Variants in KIF13B observed in about 807,000 individuals in gnomAD.
KIF13B encodes kinesin family member 13B, also known as kinesin-like protein KIF13B.
In KIF13B, 127 loss-of-function variants were observed where a neutral mutation model predicts 222.0. The ratio of observed to expected loss-of-function variants is 0.57; its 90% CI spans 0.50 to 0.66. The LOEUF (loss-of-function observed/expected upper bound fraction) is 0.66, where lower values mean the gene tolerates loss of function less well. Ranked by LOEUF, KIF13B falls within the 30% of genes least tolerant of loss-of-function variation. KIF13B has a pLI of 0.00. For missense variants in KIF13B, 2,173 were observed against 2,379.0 expected, an observed-to-expected ratio of 0.91 and a Z score of 1.80; for synonymous variants, 976 against 919.0, an observed-to-expected ratio of 1.06 and a Z score of -1.12.
At chr8:29,161,220 G>A (rs894554634) in intron 12 of KIF13B, among the ~76,000 whole-genome samples, 2 of 152,116 alleles carry the variant, frequency 1.3e-5, no homozygotes, top group Non-Finnish European at 2.9e-5. Flanking sequence ...CTTCTTAAAA[G>A]CAAAGGAGGA....
intron 18 of KIF13B, among the ~76,000 whole-genome samples, chr8:29,144,868 C>T (rs1810983819): frequency 1.3e-5 from 2 of 152,186 alleles, no homozygotes; most frequent in South Asian, 2.1e-4. Flanking sequence ...GGAGAGATGC[C>T]AGGCGACATG....
intron 35 of KIF13B, among the ~76,000 whole-genome samples, chr8:29,102,516 G>A (rs573285557): frequency 6.6e-6 from 1 of 152,366 alleles, no homozygotes; most frequent in South Asian, 2.1e-4. Flanking sequence ...AGTGGACAAA[G>A]TAAGAACGCC....
intron 11 of KIF13B, among the ~76,000 whole-genome samples, chr8:29,166,609 C>G (rs1158458482): frequency 6.7e-6 from 1 of 149,714 alleles, no homozygotes; most frequent in East Asian, 2.0e-4. Flanking sequence ...GAGGCTGAGG[C>G]AGGGGAATCA....
At chr8:29,137,309 A>G (rs1810608482) in intron 21 of KIF13B, among the ~76,000 whole-genome samples, 1 of 152,242 alleles carries the variant, frequency 6.6e-6, no homozygotes, top group Admixed American at 6.5e-5. Context: ...ATAAGAAATG[A>G]ACACAGGCTG....
Position 29,198,575 on chromosome 8 carries a change from G to A in KIF13B, c.150-2376C>T, listed in dbSNP as rs553390512. ...TGATCTCAAGTGATCCGCCCGCCTCGGCCTCCCAAAGTGCTGGGATTGCAG... is the reference window on the plus strand; with the variant it reads ...TGATCTCAAGTGATCCGCCCGCCTCAGCCTCCCAAAGTGCTGGGATTGCAG... On this transcript the variant is annotated intron_variant, in intron 2 of 39. Coordinates refer to ENST00000524189, the MANE Select transcript of KIF13B (RefSeq NM_015254.4). 3.2e-3 allele frequency among the ~76,000 whole-genome samples: 485 copies of A among 152,156 alleles called. 2 individuals are homozygous for A. The highest frequency in any genetic ancestry group is 0.011 in the African/African-American group (459 of 41,500).
chr8:29,227,433 G>C (rs1021113759), intron 2 of KIF13B, among the ~76,000 whole-genome samples: 4 of 152,028 alleles, frequency 2.6e-5, no homozygotes, highest in African/African-American at 9.7e-5. Context: ...GGGATTACAG[G>C]TGCCCACCAC....
At chr8:29,109,776 C>T (rs1054069134) in intron 33 of KIF13B, 142 bp downstream of exon 33, 5 of 852,798 alleles carry the variant, frequency 5.9e-6, no homozygotes, top group Non-Finnish European at 9.0e-6. Flanking sequence ...GACCCAATTA[C>T]AATCACTCTG....
In KIF13B at chr8:29,072,186, G is replaced by A. The variant is rs941257095; in HGVS notation, c.4652C>T (p.Pro1551Leu). The change falls in exon 39 of 40, where the codon CCG (proline) becomes CTG (leucine). Residue 1551 changes from proline to leucine, a missense_variant. This residue lies in a region of KIF13B where 693 missense variants were observed against 656.2 expected (regional missense o/e 1.06). Coordinates refer to ENST00000524189, the MANE Select transcript of KIF13B (RefSeq NM_015254.4). Reference sequence around the variant, plus strand: ...GCTGGGGGGCCCGTCCTGTGCCTCCGGAGCCGGGGTGACCGCTGTGACAGC... The same window carrying A: ...GCTGGGGGGCCCGTCCTGTGCCTCCAGAGCCGGGGTGACCGCTGTGACAGC... ...VIAVTAVTPA[P>L]EAQDGPPSPL... is the part of the protein sequence containing the mutation. The A allele has an allele frequency of 2.1e-6, 3 of 1,436,974 alleles. No homozygotes were observed. The highest frequency in any genetic ancestry group is 1.6e-5 in the South Asian group (1 of 64,256). 89.0% of individuals were successfully genotyped at this position (1,436,974 alleles called of 1,614,324 possible).
intron 2 of KIF13B, among the ~76,000 whole-genome samples, chr8:29,211,427 CT>C (rs1329965194): frequency 4.3e-5 from 1 of 23,278 alleles, no homozygotes; most frequent in African/African-American, 1.2e-4. Context: ...GGTTTTCTGC[CT>C]ATAGATACTT....
chr8:29,145,127 C>T (rs549187301), intron 18 of KIF13B, among the ~76,000 whole-genome samples: 1 of 152,222 alleles, frequency 6.6e-6, no homozygotes, highest in South Asian at 2.1e-4. Context: ...GTGAGTCCTA[C>T]TGTACCCAGA....
At chr8:29,095,986 G>GTT (rs889271371) in intron 36 of KIF13B, among the ~76,000 whole-genome samples, 2 of 139,328 alleles carry the variant, frequency 1.4e-5, no homozygotes, top group Non-Finnish European at 1.6e-5. Flanking sequence ...TTTGTTTTTT[G>GTT]TTTTTTTTTT....
chr8:29,223,331 C>CAAA (rs369280304), intron 2 of KIF13B, among the ~76,000 whole-genome samples: 1,845 of 103,026 alleles, frequency 0.018, 152 homozygotes, highest in Middle Eastern at 0.032. Context: ...GACCCTGTCT[C>CAAA]AAAAAAAAAA....
intron 32 of KIF13B, 63 bp from the exon 33 acceptor site, chr8:29,110,133 G>A (rs1315431304): frequency 3.2e-5 from 43 of 1,332,158 alleles, no homozygotes; most frequent in Non-Finnish European, 3.7e-5. Flanking sequence ...ACGTACACGC[G>A]TGCACACACA....
chr8:29,213,564 G>A (rs1480213239), intron 2 of KIF13B, among the ~76,000 whole-genome samples: 1 of 152,202 alleles, frequency 6.6e-6, no homozygotes, highest in Non-Finnish European at 1.5e-5. Context: ...CACACAGGCT[G>A]TATGGTATAG....
In KIF13B at chr8:29,134,018, C is replaced by G. The variant is rs1379805035; in HGVS notation, c.2784+22G>C. 1.9e-6 allele frequency: 3 copies of G among 1,603,874 alleles called. No homozygotes were observed. In the African/African-American group the frequency reaches 4.0e-5, roughly 22 times the overall value. ...TCACATGAGTAATCTAAATGCTGAC[C>G]TACTCTGGAAAACAAACTCACATTG... On this transcript the variant is annotated intron_variant, in intron 22 of 39. Coordinates refer to ENST00000524189, the MANE Select transcript of KIF13B (RefSeq NM_015254.4).
intron 2 of KIF13B, among the ~76,000 whole-genome samples, chr8:29,244,977 T>C (rs889016393): frequency 7.9e-5 from 12 of 152,210 alleles, no homozygotes; most frequent in African/African-American, 2.9e-4. Flanking sequence ...GCACTTGAAA[T>C]GGGCTCTGAC....
At chr8:29,136,612 TTAAAA>T (rs1432647424) in intron 21 of KIF13B, among the ~76,000 whole-genome samples, 2 of 117,418 alleles carry the variant, frequency 1.7e-5, no homozygotes, top group Non-Finnish European at 3.7e-5. Context: ...AATTAATTAA[TTAAAA>T]TAAATAAATC....
intron 2 of KIF13B, among the ~76,000 whole-genome samples, chr8:29,237,928 C>T (rs1012894890): frequency 2.0e-5 from 3 of 152,198 alleles, no homozygotes; most frequent in Non-Finnish European, 4.4e-5. Flanking sequence ...GTACACAGAA[C>T]CACGCTCTCC....
At position 29,071,842 on chromosome 8, in the gene KIF13B, C is replaced by T; in HGVS notation, c.4996G>A (p.Asp1666Asn). The change falls in exon 39 of 40, where the codon GAC becomes AAC. Residue 1666 changes from aspartate to asparagine, a missense_variant. Physicochemically the swap from Asp to Asn is conservative, Grantham distance 23. Transcript: ENST00000524189. The surrounding 1 kb of genome is among the most constrained non-coding windows in gnomAD (Gnocchi z 4.9). ...LRSFSRMLAGDPGCSPGAEGN... is the reference protein window; with the variant it reads ...LRSFSRMLAGNPGCSPGAEGN... ...TCGGCCCCCGGGGAGCAGCCGGGGT[C>T]CCCAGCCAGCATGCGCGAGAAGGAG... 1 of 1,540,038 alleles carries T rather than the reference C, an allele frequency of 6.5e-7. No homozygotes were observed.
Sources: allele counts gnomAD v4.1 joint callset (sites outside exome capture counted in the v4.1 genomes callset), GRCh38; gene constraint gnomAD v4.1.1; regional missense constraint gnomAD v4.1.1; non-coding constraint Gnocchi (gnomAD v3.1); transcripts MANE v1.5; gene names NCBI Gene and HGNC (gene_info 2026-07-23, HGNC 2026-07-21).